EXO1: variants seen among roughly 807,000 people sequenced by gnomAD.
EXO1 encodes the protein exonuclease 1.
In EXO1, 69 loss-of-function variants were observed where a neutral mutation model predicts 84.5. The ratio of observed to expected loss-of-function variants is 0.82; its 90% CI spans 0.67 to 1.00. The LOEUF (loss-of-function observed/expected upper bound fraction) is 1.00, where lower values mean the gene tolerates loss of function less well. Among genes scored for constraint, EXO1 ranks in the 50% least tolerant of loss-of-function variants. The pLI, the probability that EXO1 is intolerant of heterozygous loss-of-function variation, is 0.00. For missense variants in EXO1, 1,045 were observed against 1,000.7 expected (o/e 1.04, Z -0.60); for synonymous variants, 373 against 366.1 (o/e 1.02, Z -0.21).
In EXO1 at chr1:241,852,079, A is replaced by C. The variant is rs73127936; in HGVS notation, c.162-213A>C. Among the ~76,000 whole-genome samples the C allele has an allele frequency of 2.9e-3, 435 of 152,342 alleles. 2 individuals carry two copies. The highest frequency in any genetic ancestry group is 0.01 in the African/African-American group (417 of 41,574). On this transcript the variant is annotated intron_variant, in intron 4 of 15. Transcript: ENST00000366548. ...GAAACCAAGGCTTGGAGGGTCAAGT[A>C]GTTCACCAGACATCACATGGCTCGT...
At position 241,878,724 on chromosome 1, in the gene EXO1, T is replaced by C. The variant is rs767771205; in HGVS notation, c.1515-25T>C. ...ACTCTAAAATACTCATACTTACTTA[T>C]TGTTTCTATTGCTTTTTTTATTAGG... On this transcript the variant is annotated intron_variant, in intron 12 of 15. Coordinates refer to ENST00000366548, the MANE Select transcript of EXO1 (RefSeq NM_130398.4). The C allele has an allele frequency of 2.7e-5, 39 of 1,422,334 alleles. 2 individuals carry two copies. In the South Asian group the frequency reaches 3.2e-4, roughly 12 times the overall value. The allele number at this position is 1,422,334 out of a possible 1,614,324, so 88.1% of individuals were successfully genotyped here. A position where few individuals can be genotyped will look rare whatever the true frequency, so the allele number is the denominator to read the frequency against.
chr1:241,853,551 G>C (rs1660786398), intron 6 of EXO1, 70 bp downstream of exon 6: 1 of 1,562,832 alleles, frequency 6.4e-7, no homozygotes, highest in Non-Finnish European at 8.8e-7. Flanking sequence ...GGGAGAGGAA[G>C]AAAATCAAGG....
At chr1:241,888,849 C>T (rs1363277873) in intron 15 of EXO1, among the ~76,000 whole-genome samples, 2 of 152,054 alleles carry the variant, frequency 1.3e-5, no homozygotes, top group African/African-American at 4.8e-5. Context: ...CTGAGGCAGG[C>T]AGATCACTTG....
chr1:241,884,570 C>CT (rs1662937375), intron 14 of EXO1, among the ~76,000 whole-genome samples: 1 of 152,094 alleles, frequency 6.6e-6, no homozygotes, highest in Admixed American at 6.6e-5. Context: ...AAAAAAATCT[C>CT]TAAGTTACAT....
At chr1:241,853,588 C>T (rs1469507378) in intron 6 of EXO1, 107 bp downstream of exon 6, 2 of 1,162,242 alleles carry the variant, frequency 1.7e-6, no homozygotes, top group African/African-American at 3.0e-5. Flanking sequence ...GGCCTAACCT[C>T]AAGTAAAGGG....
chr1:241,869,380 CGTG>C (rs1218531912), intron 11 of EXO1, among the ~76,000 whole-genome samples: 8 of 152,084 alleles, frequency 5.3e-5, no homozygotes, highest in African/African-American at 1.9e-4. Context: ...ATTGGGGAAA[CGTG>C]GGAATTTTTT....
At chr1:241,865,216 T>G (rs971658818) in intron 10 of EXO1, among the ~76,000 whole-genome samples, 5 of 119,008 alleles carry the variant, frequency 4.2e-5, no homozygotes, top group Non-Finnish European at 9.3e-5. Flanking sequence ...TGAATATCTC[T>G]TTTTTTTTTT....
intron 6 of EXO1, among the ~76,000 whole-genome samples, chr1:241,855,529 C>A (rs568312884): frequency 3.9e-5 from 6 of 152,370 alleles, no homozygotes; most frequent in African/African-American, 1.4e-4. Context: ...CCCAGTGGAT[C>A]CCGCACGGGG....
Position 241,863,800 on chromosome 1 carries a change from C to T in EXO1, c.1041+2298C>T, listed in dbSNP as rs916545599. On this transcript the variant is annotated intron_variant, in intron 10 of 15. Coordinates refer to ENST00000366548, the MANE Select transcript of EXO1 (RefSeq NM_130398.4). ...TATTTAAATTTGTTAAAATTAAATACAATTGCTATTTTACTTCCTTAGTTA... is the reference window on the plus strand; with the variant it reads ...TATTTAAATTTGTTAAAATTAAATATAATTGCTATTTTACTTCCTTAGTTA... Among the ~76,000 whole-genome samples, 4 of 152,282 alleles carry T rather than the reference C, an allele frequency of 2.6e-5. No homozygotes were observed. The Middle Eastern group carries it at 0.01, about 388-fold the overall frequency.
chr1:241,856,401 A>T (rs1661040278), intron 6 of EXO1, among the ~76,000 whole-genome samples: 2 of 151,870 alleles, frequency 1.3e-5, no homozygotes, highest in Non-Finnish European at 2.9e-5. Context: ...TTTCTTGGCA[A>T]GTTTATTTTA....
At chr1:241,883,397 C>T (rs527662929) in intron 14 of EXO1, among the ~76,000 whole-genome samples, 5 of 152,268 alleles carry the variant, frequency 3.3e-5, no homozygotes, top group South Asian at 2.1e-4. Flanking sequence ...GATGCCTTCT[C>T]GCTGTGTCCT....
chr1:241,854,173 T>C (rs4149871), intron 6 of EXO1, among the ~76,000 whole-genome samples: 12,197 of 152,210 alleles, frequency 0.08, 737 homozygotes, highest in Admixed American at 0.19. Context: ...GTTTCACTCT[T>C]GTTGCCCAGG....
At chr1:241,858,754 T>G (rs971583919) in intron 8 of EXO1, 36 bp downstream of exon 8, 16 of 1,300,714 alleles carry the variant, frequency 1.2e-5, no homozygotes, top group Non-Finnish European at 1.8e-5. Flanking sequence ...ATTCAATTTC[T>G]GAAGCATTTC....
At chr1:241,850,305 A>G in intron 3 of EXO1, 104 bp from the exon 4 acceptor site, 1 of 828,172 alleles carries the variant, frequency 1.2e-6, no homozygotes, top group African/African-American at 1.7e-5. Flanking sequence ...CAACAAACCA[A>G]TTTCTGCATT....
intron 15 of EXO1, 180 bp downstream of exon 15, chr1:241,885,687 CT>C (rs750479515): frequency 1.6e-5 from 10 of 615,566 alleles, no homozygotes; most frequent in Admixed American, 5.0e-5. Flanking sequence ...TCTATACCTT[CT>C]TTTCATAAAA....
chr1:241,869,285 G>A (rs1292187305), intron 11 of EXO1, among the ~76,000 whole-genome samples: 1 of 152,188 alleles, frequency 6.6e-6, no homozygotes, highest in Non-Finnish European at 1.5e-5. Flanking sequence ...ATTTTGAACA[G>A]ATGTGCCAAG....
chr1:241,858,376 G>A, intron 7 of EXO1, 130 bp from the exon 8 acceptor site: 1 of 660,722 alleles, frequency 1.5e-6, no homozygotes, highest in Non-Finnish European at 2.7e-6. Flanking sequence ...TCATCAGCCT[G>A]TCTATCTATG....
intron 6 of EXO1, among the ~76,000 whole-genome samples, chr1:241,854,160 G>A (rs189224390): frequency 1.3e-5 from 2 of 152,148 alleles, no homozygotes; most frequent in East Asian, 3.9e-4. Context: ...GTTTTGAGGC[G>A]GAGTTTCACT....
At chr1:241,879,702 A>G (rs1202677370) in intron 13 of EXO1, among the ~76,000 whole-genome samples, 1 of 152,146 alleles carries the variant, frequency 6.6e-6, no homozygotes, top group Non-Finnish European at 1.5e-5. Flanking sequence ...GAATTCAGAT[A>G]ACATTTAAGA....
Sources: gnomAD v4.1 joint callset for allele counts (sites outside exome capture counted in the v4.1 genomes callset) on GRCh38, gnomAD v4.1.1 for gene constraint, MANE v1.5 for transcripts, NCBI Gene and HGNC (gene_info 2026-07-23, HGNC 2026-07-21) for gene names.